Variants in GCAT observed in about 807,000 individuals in gnomAD.
GCAT encodes glycine C-acetyltransferase.
In GCAT, 26 loss-of-function variants were observed where a neutral mutation model predicts 39.7. The observed-to-expected ratio is 0.65, with a 90% CI of 0.48 to 0.91. The LOEUF (loss-of-function observed/expected upper bound fraction) is 0.91. GCAT is among the 40% of genes least tolerant of loss of function. The probability of loss-of-function intolerance (pLI) is 0.00; values close to 1 mark genes in which losing one functional copy is unlikely to be tolerated. For synonymous variants in GCAT, 218 were observed against 237.2 expected (o/e 0.92, Z 0.74); for missense variants, 550 against 576.2 (o/e 0.95, Z 0.47).
chr22:37,816,447 CT>C (rs1468542014), intron 8 of GCAT, 119 bp from the exon 9 acceptor site: 1 of 1,527,694 alleles, frequency 6.5e-7, no homozygotes, highest in East Asian at 2.3e-5. Flanking sequence ...TCTGTCTAAG[CT>C]TGAACACCCC....
chr22:37,816,350 G>A (rs774441755), intron 8 of GCAT, 29 bp downstream of exon 8: 2 of 1,605,628 alleles, frequency 1.2e-6, no homozygotes, highest in Admixed American at 1.7e-5. Flanking sequence ...GGGAACTGGT[G>A]GTGGGTCCTG....
intron 7 of GCAT, 131 bp downstream of exon 7, chr22:37,815,965 T>A (rs1922144976): frequency 9.3e-7 from 1 of 1,076,178 alleles, no homozygotes; most frequent in Non-Finnish European, 1.4e-6. Context: ...CCCTTCTCTC[T>A]GTCCCTGCCT....
At chr22:37,811,480 CAAAAAAAAAA>C (rs59876225) in intron 2 of GCAT, among the ~76,000 whole-genome samples, 1 of 46,868 alleles carries the variant, frequency 2.1e-5, no homozygotes, top group African/African-American at 9.8e-5. Flanking sequence ...GACTCTGTCT[CAAAAAAAAAA>C]AAAAAAAAAA....
intron 8 of GCAT, 95 bp downstream of exon 8, chr22:37,816,416 T>G (rs2145936755): frequency 6.5e-7 from 1 of 1,540,764 alleles, no homozygotes; most frequent in Non-Finnish European, 8.8e-7. Flanking sequence ...CCAGCCACGC[T>G]GCGGCCTCTT....
intron 8 of GCAT, 31 bp downstream of exon 8, chr22:37,816,352 T>C: frequency 2.5e-6 from 4 of 1,605,582 alleles, no homozygotes; most frequent in Non-Finnish European, 3.4e-6. Context: ...GAACTGGTGG[T>C]GGGTCCTGAG....
At position 37,815,230 on chromosome 22, in the gene GCAT, G is replaced by A. The variant is rs1269305741; in HGVS notation, c.681G>A (p.Leu227=). The A allele has an allele frequency of 6.2e-7, 1 of 1,614,064 alleles. No homozygotes were observed. The highest frequency in any genetic ancestry group is 8.5e-7 in the Non-Finnish European group (1 of 1,179,998). Residue 227 remains leucine (L), a synonymous_variant, in exon 5 of 9, where the codon CTG becomes CTA. Transcript: ENST00000248924. ...GCCTCGCCTCTAGATATGGTGCCCT[G>A]GTCTTCATGGATGAATGCCATGCCA... ...ICCLASRYGA[L]VFMDECHATG...
Position 37,815,244 on chromosome 22 carries a change from A to T in GCAT, c.695A>T (p.Glu232Val). Residue 232 changes from glutamate to valine, a missense_variant, in exon 5 of 9, where the codon GAA becomes GTA. By Grantham distance (121) the Glu-to-Val change is moderately radical (BLOSUM62 -2). Coordinates refer to ENST00000248924, the MANE Select transcript of GCAT (RefSeq NM_014291.4). ...SRYGALVFMD[E>V]CHATGFLGPT... ...TATGGTGCCCTGGTCTTCATGGATG[A>T]ATGCCATGCCACTGGCTTCCTGGGG... 1 of 1,614,000 alleles carries T rather than the reference A, an allele frequency of 6.2e-7. No individual in the cohort carries two copies. The highest frequency in any genetic ancestry group is 8.5e-7 in the Non-Finnish European group (1 of 1,179,962).
Position 37,808,038 on chromosome 22 carries a change from T to A in GCAT, c.71T>A (p.Leu24Gln), listed in dbSNP as rs779803708. ...CGCGGCCGCCGCGCACAGTCAGCGC[T>A]GGCCCAGCTGCGTGGCATTCTGGAG... ...VPRGRRAQSA[L>Q]AQLRGILEGE... Residue 24 changes from leucine (L) to glutamine (Q), a missense_variant, in exon 1 of 9, where the codon CTG (leucine) becomes CAG (glutamine). Leu to Gln is a moderately radical substitution (Grantham distance 113). Around this residue, in one of 3 missense-constraint regions of GCAT, gnomAD observed 154 missense variants for 141.9 expected, o/e 1.08. Coordinates refer to ENST00000248924, the MANE Select transcript of GCAT (RefSeq NM_014291.4). 1 of 1,553,816 alleles carries A rather than the reference T, an allele frequency of 6.4e-7. No individual in the cohort carries two copies.
At chr22:37,816,497 T>G in intron 8 of GCAT, 70 bp from the exon 9 acceptor site, 16 of 1,568,808 alleles carry the variant, frequency 1.0e-5, no homozygotes, top group Non-Finnish European at 1.4e-5. Context: ...CCTGGGGCAG[T>G]TCCCTTGCCC....
intron 5 of GCAT, 28 bp downstream of exon 5, chr22:37,815,308 G>C (rs1387754905): frequency 7.5e-6 from 12 of 1,609,056 alleles, no homozygotes; most frequent in Admixed American, 3.4e-5. Context: ...CTGAGGCCTG[G>C]GGTGGGGCTT....
chr22:37,815,155 T>C lies in GCAT; in HGVS notation c.606T>C (p.Asp202=). ...QKHRLRLVAT[D]GAFSMDGDIA... is the part of the protein sequence containing the mutation. ...ATCGGCTGCGCCTGGTGGCCACTGATGGGGCCTTTTCCATGGATGGCGACA... is the reference window on the plus strand; with the variant it reads ...ATCGGCTGCGCCTGGTGGCCACTGACGGGGCCTTTTCCATGGATGGCGACA... The change falls in exon 5 of 9, where the codon GAT becomes GAC. Residue 202 remains aspartate (D), a synonymous_variant. Transcript: ENST00000248924. The C allele has an allele frequency of 6.2e-7, 1 of 1,614,046 alleles. No homozygotes were observed. Among genetic ancestry groups the C allele is most frequent in the Non-Finnish European group, 8.5e-7 (1 of 1,180,016 alleles).
At position 37,807,960 on chromosome 22, in the gene GCAT, T is replaced by A; in HGVS notation, c.-8T>A. ...GGCAGGCAGGCGCGCTCGGGCGAGG[T>A]AGGAGCGATGTGGCCTGGGAACGCC... On this transcript the variant is annotated 5_prime_UTR_variant, in exon 1 of 9. Transcript: ENST00000248924. 1 of 1,517,658 alleles carries A rather than the reference T, an allele frequency of 6.6e-7. No homozygotes were observed. The highest frequency in any genetic ancestry group is 8.8e-7 in the Non-Finnish European group (1 of 1,137,802). 94.0% of individuals were successfully genotyped at this position (1,517,658 alleles called of 1,614,324 possible).
intron 3 of GCAT, chr22:37,813,219 G>T (rs1199221857): frequency 4.6e-6 from 3 of 656,958 alleles, no homozygotes; most frequent in African/African-American, 1.8e-5. Flanking sequence ...TCAGCTGGAA[G>T]GCTGGGGGAG....
At chr22:37,815,940 T>G in intron 7 of GCAT, 106 bp downstream of exon 7, 1 of 1,342,996 alleles carries the variant, frequency 7.4e-7, no homozygotes, top group Non-Finnish European at 1.0e-6. Context: ...CGGGTCTGCT[T>G]CTGCCTGTTC....
At chr22:37,810,217 C>A in intron 2 of GCAT, 60 bp downstream of exon 2, 3 of 1,293,840 alleles carry the variant, frequency 2.3e-6, no homozygotes, top group South Asian at 1.2e-5. Flanking sequence ...TTCCCACAGT[C>A]AGCAAGGCTG....
rs762021488 is a variant in GCAT, at chr22:37,815,194, G to C, written c.645G>C (p.Gln215His). Reference protein sequence around the residue: ...FSMDGDIAPLQEICCLASRYG... With the variant: ...FSMDGDIAPLHEICCLASRYG... ...TGGATGGCGACATCGCACCCCTGCAGGAGATCTGCTGCCTCGCCTCTAGAT... is the reference window on the plus strand; with the variant it reads ...TGGATGGCGACATCGCACCCCTGCACGAGATCTGCTGCCTCGCCTCTAGAT... Residue 215 changes from glutamine (Q) to histidine (H), a missense_variant, in exon 5 of 9, where the codon CAG becomes CAC. Physicochemically the swap from Gln to His is conservative, Grantham distance 24. Coordinates refer to ENST00000248924, the MANE Select transcript of GCAT (RefSeq NM_014291.4). The C allele has an allele frequency of 1.1e-5, 17 of 1,614,106 alleles. No homozygotes were observed. The highest frequency in any genetic ancestry group is 1.6e-4 in the Middle Eastern group (1 of 6,062).
intron 5 of GCAT, 36 bp downstream of exon 5, chr22:37,815,316 C>T: frequency 2.5e-6 from 4 of 1,606,676 alleles, no homozygotes; most frequent in Non-Finnish European, 3.4e-6. Flanking sequence ...TGGGGTGGGG[C>T]TTCTGAGGGT....
At chr22:37,809,492 G>T (rs555350626) in intron 1 of GCAT, among the ~76,000 whole-genome samples, 1 of 152,264 alleles carries the variant, frequency 6.6e-6, no homozygotes, top group East Asian at 1.9e-4. Context: ...TGTGAGGAAG[G>T]GCTGAGTTCC....
downstream of GCAT, chr22:37,817,003 C>T (rs1278006873): frequency 2.8e-6 from 1 of 351,288 alleles, no homozygotes; most frequent in African/African-American, 2.0e-5. Context: ...GACTGCAGAT[C>T]TCCACTGACC....
Sources: gnomAD v4.1 joint callset for allele counts (sites outside exome capture counted in the v4.1 genomes callset) on GRCh38, gnomAD v4.1.1 for gene constraint, gnomAD v4.1.1 regional missense constraint, MANE v1.5 for transcripts, NCBI Gene and HGNC (gene_info 2026-07-23, HGNC 2026-07-21) for gene names.